The following OR51E1 variants were observed in gnomAD, a reference collection of about 807,000 sequenced individuals.
OR51E1 encodes olfactory receptor family 51 subfamily E member 1, also known as olfactory receptor 51E1.
Under a neutral mutation model 11.5 loss-of-function variants are expected in OR51E1, and 9 were observed. That is an observed-to-expected ratio of 0.78 (90% CI 0.47 to 1.37). The LOEUF is 1.37. Ranked by LOEUF, OR51E1 falls within the 40% of genes most tolerant of loss-of-function variation. The probability of loss-of-function intolerance (pLI) is 0.00; values close to 1 mark genes in which losing one functional copy is unlikely to be tolerated. For missense variants in OR51E1, 397 were observed against 410.2 expected, an observed-to-expected ratio of 0.97 and a Z score of 0.28; for synonymous variants, 168 against 158.3, an observed-to-expected ratio of 1.06 and a Z score of -0.46.
chr11:4,652,097 T>C (rs1847105175), intron 1 of OR51E1, among the ~76,000 whole-genome samples: 1 of 152,238 alleles, frequency 6.6e-6, no homozygotes, highest in Non-Finnish European at 1.5e-5. Flanking sequence ...TGCTTAGAAT[T>C]GCAGTTAGTA....
At chr11:4,645,635 A>G (rs78156577) in intron 1 of OR51E1, among the ~76,000 whole-genome samples, 19,192 of 152,210 alleles carry the variant, frequency 0.13, 1,533 homozygotes, top group Non-Finnish European at 0.18. Flanking sequence ...CCCTTGCCTT[A>G]CATTTGCTTG....
chr11:4,654,440 T>A lies in OR51E1; in HGVS notation c.*957T>A, dbSNP rs1055693484. On this transcript the variant is annotated 3_prime_UTR_variant, in exon 2 of 2. Transcript: ENST00000396952. ...CTTATTGTCCTGGTCCAATTGCCAATTACCTGTGTCTTGGAAGAAGTGATT... is the reference window on the plus strand; with the variant it reads ...CTTATTGTCCTGGTCCAATTGCCAAATACCTGTGTCTTGGAAGAAGTGATT... 1 of 167,128 alleles carries A rather than the reference T, an allele frequency of 6.0e-6. No individual in the cohort carries two copies. The highest frequency in any genetic ancestry group is 1.5e-5 in the Non-Finnish European group (1 of 68,128). The allele number at this position is 167,128 out of a possible 1,614,324, so 10.4% of individuals were successfully genotyped here. A position where few individuals can be genotyped will look rare whatever the true frequency, so the allele number is the denominator to read the frequency against.
rs1847140512 is a variant in OR51E1 at position 4,654,156 on chromosome 11, C to T, written c.*673C>T. 1 of 166,802 alleles carries T rather than the reference C, an allele frequency of 6.0e-6. No homozygotes were observed. Among genetic ancestry groups the T allele is most frequent in the Non-Finnish European group, 1.5e-5 (1 of 68,088 alleles). The allele number at this position is 166,802 out of a possible 1,614,324, so 10.3% of individuals were successfully genotyped here. A position where few individuals can be genotyped will look rare whatever the true frequency, so the allele number is the denominator to read the frequency against. On this transcript the variant is annotated 3_prime_UTR_variant, in exon 2 of 2. Coordinates refer to ENST00000396952, the MANE Select transcript of OR51E1 (RefSeq NM_152430.4). ...GATATTATTAGTACCCTCATTGTAGCCATGGGAAAATTGATGTTCAGTGGG... is the reference window on the plus strand; with the variant it reads ...GATATTATTAGTACCCTCATTGTAGTCATGGGAAAATTGATGTTCAGTGGG...
rs1847134202 is a variant in OR51E1, at chr11:4,653,619, T to C, written c.*136T>C. On this transcript the variant is annotated 3_prime_UTR_variant, in exon 2 of 2. Coordinates refer to ENST00000396952, the MANE Select transcript of OR51E1 (RefSeq NM_152430.4). ...TCAGATCCTTCAAATATGAAACTGGTTGGGGAATCTCCATTTTTTCAATAT... is the reference window on the plus strand; with the variant it reads ...TCAGATCCTTCAAATATGAAACTGGCTGGGGAATCTCCATTTTTTCAATAT... The C allele has an allele frequency of 1.8e-6, 1 of 570,338 alleles. No individual in the cohort carries two copies. Among genetic ancestry groups the C allele is most frequent in the African/African-American group, 1.9e-5 (1 of 52,808 alleles). The allele number at this position is 570,338 out of a possible 1,614,324, so 35.3% of individuals were successfully genotyped here.
rs1258335587 is a variant in OR51E1, at chr11:4,652,723, T to A, written c.197T>A (p.Leu66His). ...HSLHEPMYIF[L>H]CMLSGIDILI... ...CTGCATGAGCCCATGTATATATTTC[T>A]TTGCATGCTTTCAGGCATTGACATC... is the stretch of plus-strand genomic sequence containing the variant. Residue 66 changes from leucine to histidine, a missense_variant, in exon 2 of 2, where the codon CTT becomes CAT. Leu to His is a moderately conservative substitution (Grantham distance 99). Transcript: ENST00000396952. The A allele has an allele frequency of 6.2e-7, 1 of 1,614,194 alleles. No individual in the cohort carries two copies. The highest frequency in any genetic ancestry group is 1.1e-5 in the South Asian group (1 of 91,082).
In OR51E1 at chr11:4,652,470, C is replaced by T; in HGVS notation, c.-39-18C>T. 8.4e-7 allele frequency: 1 copy of T among 1,184,724 alleles called. No homozygotes were observed. Among genetic ancestry groups the T allele is most frequent in the South Asian group, 1.3e-5 (1 of 74,354 alleles). 73.4% of individuals were successfully genotyped at this position (1,184,724 alleles called of 1,614,324 possible). ...GGGATGCTTATGGATCTGACAGTGG[C>T]TTATCTTTGCATTCCAGCCTCTACC... On this transcript the variant is annotated intron_variant, in intron 1 of 1. Transcript: ENST00000396952.
In OR51E1 at chr11:4,652,703, T is replaced by TGA. The variant is rs567104163; in HGVS notation, c.179_180dup (p.Pro61SerfsTer99). 2,091 of 1,613,596 alleles carry TGA rather than the reference T, an allele frequency of 1.3e-3. 10 individuals are homozygous for TGA. The highest frequency in any genetic ancestry group is 4.5e-3 in the Middle Eastern group (27 of 6,058). On this transcript the variant is annotated frameshift_variant, in exon 2 of 2. Transcript: ENST00000396952. LOFTEE classifies it high-confidence loss of function. ...TTGTGCGGACTGAGCACAGCCTGCA[T>TGA]GAGCCCATGTATATATTTCTTTGCA...
chr11:4,644,538 T>C (rs1012233188), intron 1 of OR51E1, among the ~76,000 whole-genome samples: 1 of 152,016 alleles, frequency 6.6e-6, no homozygotes, highest in Non-Finnish European at 1.5e-5. Flanking sequence ...TGGGACTTAG[T>C]AATCTTCCTG....
rs1254019402 is a variant in OR51E1 at position 4,652,572 on chromosome 11, A to G, written c.46A>G (p.Ile16Val). The G allele has an allele frequency of 1.2e-6, 2 of 1,613,956 alleles. No individual in the cohort carries two copies. The highest frequency in any genetic ancestry group is 1.7e-6 in the Non-Finnish European group (2 of 1,180,000). ...CAATGAATCCAGTGCTACATACTTC[A>G]TCCTAATAGGCCTCCCTGGTTTAGA... ...NGNESSATYFILIGLPGLEEA... is the reference protein window; with the variant it reads ...NGNESSATYFVLIGLPGLEEA... Residue 16 changes from isoleucine (I) to valine (V), a missense_variant, in exon 2 of 2, where the codon ATC becomes GTC. Ile to Val is a conservative substitution (Grantham distance 29). Coordinates refer to ENST00000396952, the MANE Select transcript of OR51E1 (RefSeq NM_152430.4).
intron 1 of OR51E1, among the ~76,000 whole-genome samples, chr11:4,650,597 T>C (rs569052573): frequency 6.6e-6 from 1 of 152,300 alleles, no homozygotes; most frequent in African/African-American, 2.4e-5. Context: ...GACCGCTTGA[T>C]GCTGGTACAA....
chr11:4,653,991 G>T lies in OR51E1; in HGVS notation c.*508G>T, dbSNP rs943284828. 1 of 167,024 alleles carries T rather than the reference G, an allele frequency of 6.0e-6. No individual in the cohort carries two copies. The highest frequency in any genetic ancestry group is 1.9e-4 in the East Asian group (1 of 5,196). 10.3% of individuals were successfully genotyped at this position (167,024 alleles called of 1,614,324 possible). A position where few individuals can be genotyped will look rare whatever the true frequency, so the allele number is the denominator to read the frequency against. Reference sequence around the variant, plus strand: ...TTTCCTCTGGACACTAGCACTTAAGGGGAAGATTGGAAGTAAAGCCTTGAA... The same window carrying T: ...TTTCCTCTGGACACTAGCACTTAAGTGGAAGATTGGAAGTAAAGCCTTGAA... On this transcript the variant is annotated 3_prime_UTR_variant, in exon 2 of 2. Coordinates refer to ENST00000396952, the MANE Select transcript of OR51E1 (RefSeq NM_152430.4).
chr11:4,650,531 T>G (rs1847081515), intron 1 of OR51E1, among the ~76,000 whole-genome samples: 2 of 152,182 alleles, frequency 1.3e-5, no homozygotes, highest in African/African-American at 4.8e-5. Context: ...GTTCTACTAT[T>G]CATGCTCCCA....
In OR51E1 at chr11:4,652,686, A is replaced by G; in HGVS notation, c.160A>G (p.Thr54Ala). The G allele has an allele frequency of 6.2e-7, 1 of 1,614,144 alleles. No homozygotes were observed. ...CTTGACAATCATCTACATTGTGCGG[A>G]CTGAGCACAGCCTGCATGAGCCCAT... ...GNLTIIYIVRTEHSLHEPMYI... is the reference protein window; with the variant it reads ...GNLTIIYIVRAEHSLHEPMYI... Residue 54 changes from threonine (T) to alanine (A), a missense_variant, in exon 2 of 2, where the codon ACT becomes GCT. Transcript: ENST00000396952.
rs1017182041 is a variant in OR51E1 at position 4,653,520 on chromosome 11, T to A, written c.*37T>A. ...CAAACTTCTTTTCCATTCAGAGTCC[T>A]CTGATTCAGATTTTAATGTTAACAT... On this transcript the variant is annotated 3_prime_UTR_variant, in exon 2 of 2. Transcript: ENST00000396952. 7.9e-7 allele frequency: 1 copy of A among 1,260,168 alleles called. No individual in the cohort carries two copies. The highest frequency in any genetic ancestry group is 1.1e-6 in the Non-Finnish European group (1 of 893,864). 78.1% of individuals were successfully genotyped at this position (1,260,168 alleles called of 1,614,324 possible). A position where few individuals can be genotyped will look rare whatever the true frequency, so the allele number is the denominator to read the frequency against.
chr11:4,647,901 T>C (rs1355438427), intron 1 of OR51E1, among the ~76,000 whole-genome samples: 2 of 152,144 alleles, frequency 1.3e-5, no homozygotes, highest in Non-Finnish European at 2.9e-5. Flanking sequence ...TTCAAAATAA[T>C]TTAGTTCCAA....
Position 4,652,880 on chromosome 11 carries a change from G to A in OR51E1, c.354G>A (p.Leu118=), listed in dbSNP as rs911433800. 2 of 1,613,506 alleles carry A rather than the reference G, an allele frequency of 1.2e-6. No homozygotes were observed. The highest frequency in any genetic ancestry group is 1.7e-6 in the Non-Finnish European group (2 of 1,179,616). Residue 118 remains leucine (L), a synonymous_variant, in exon 2 of 2, where the codon CTG becomes CTA. Coordinates refer to ENST00000396952, the MANE Select transcript of OR51E1 (RefSeq NM_152430.4). The part of the protein sequence containing the change: ...HSLSGMESTV[L]LAMAFDRYVA... ...TATCTGGCATGGAATCCACAGTGCTGCTGGCCATGGCTTTTGACCGCTATG... is the reference window on the plus strand; with the variant it reads ...TATCTGGCATGGAATCCACAGTGCTACTGGCCATGGCTTTTGACCGCTATG...
chr11:4,649,842 T>C (rs1426922380), intron 1 of OR51E1, among the ~76,000 whole-genome samples: 1 of 152,212 alleles, frequency 6.6e-6, no homozygotes, highest in Non-Finnish European at 1.5e-5. Context: ...TTTACATTTA[T>C]CATCTCATTT....
rs781489236 is a variant in OR51E1, at chr11:4,653,084, T to C, written c.558T>C (p.Asp186=). The C allele has an allele frequency of 9.3e-6, 15 of 1,613,968 alleles. No individual in the cohort carries two copies. Among genetic ancestry groups the C allele is most frequent in the East Asian group, 8.9e-5 (4 of 44,898 alleles). The part of the protein sequence containing the change: ...ILSHSYCLHQ[D]VMKLACDDIR... Reference sequence around the variant, plus strand: ...CCCATTCCTACTGCCTACACCAAGATGTCATGAAGCTGGCCTGTGATGATA... The same window carrying C: ...CCCATTCCTACTGCCTACACCAAGACGTCATGAAGCTGGCCTGTGATGATA... The change falls in exon 2 of 2, where the codon GAT becomes GAC. Residue 186 remains aspartate, a synonymous_variant. Coordinates refer to ENST00000396952, the MANE Select transcript of OR51E1 (RefSeq NM_152430.4).
intron 1 of OR51E1, among the ~76,000 whole-genome samples, chr11:4,646,662 G>A (rs1847034637): frequency 6.6e-6 from 1 of 152,192 alleles, no homozygotes; most frequent in African/African-American, 2.4e-5. Context: ...AGTTAGGGCT[G>A]AAAGAGGAGG....
Sources: allele counts gnomAD v4.1 joint callset (sites outside exome capture counted in the v4.1 genomes callset), GRCh38; gene constraint gnomAD v4.1.1; transcripts MANE v1.5; gene names NCBI Gene and HGNC (gene_info 2026-07-23, HGNC 2026-07-21).